Variants in KICS2 observed in about 807,000 individuals in gnomAD.
The protein encoded by KICS2 is KICSTOR subunit 2.
In KICS2, 13 loss-of-function variants were observed where a neutral mutation model predicts 31.4. The observed-to-expected ratio is 0.41, with a 90% CI of 0.27 to 0.66. The LOEUF (loss-of-function observed/expected upper bound fraction) is 0.66. Ranked by LOEUF, KICS2 falls within the 30% of genes least tolerant of loss-of-function variation. The pLI, the probability that KICS2 is intolerant of heterozygous loss-of-function variation, is 0.28. For missense variants in KICS2, 455 were observed against 545.4 expected (o/e 0.83, Z 1.65); for synonymous variants, 209 against 214.8 (o/e 0.97, Z 0.24).
intron 2 of KICS2, among the ~76,000 whole-genome samples, chr12:64,214,110 C>T (rs2037606563): frequency 6.6e-6 from 1 of 152,208 alleles, no homozygotes; most frequent in Non-Finnish European, 1.5e-5. Flanking sequence ...CATGATACTC[C>T]TGGTTCAAAA....
downstream of KICS2, chr12:64,190,995 A>G (rs2037374067): frequency 6.6e-6 from 1 of 152,196 alleles, no homozygotes; most frequent in African/African-American, 2.4e-5. Context: ...TGGAAAACTC[A>G]GTGTTGACCA....
rs114642258 is a variant in KICS2 at position 64,202,015 on chromosome 12, C to G, written c.522-7357G>C. Among the ~76,000 whole-genome samples the G allele has an allele frequency of 4.8e-4, 73 of 152,308 alleles. 1 individual carries two copies. The highest frequency in any genetic ancestry group is 1.7e-3 in the African/African-American group (72 of 41,556). The stretch of plus-strand genomic sequence containing the variant: ...CACATTCCTATTCTTCTCACTTTCT[C>G]CAGATACTCAGTAAATAACTGAAAA... On this transcript the variant is annotated intron_variant, in intron 2 of 2. Transcript: ENST00000398055.
Position 64,215,727 on chromosome 12 carries a change from C to T in KICS2, c.472G>A (p.Glu158Lys). Reference sequence around the variant, plus strand: ...GCATCCAAAAGGCCAACGAGCTCTTCAGCATTGATGAACTTCTGTGTGCTG... The same window carrying T: ...GCATCCAAAAGGCCAACGAGCTCTTTAGCATTGATGAACTTCTGTGTGCTG... ...TLSTQKFINAEELVGLLDAIM... is the reference protein window; with the variant it reads ...TLSTQKFINAKELVGLLDAIM... Residue 158 changes from glutamate (E) to lysine (K), a missense_variant, in exon 2 of 3, where the codon GAA becomes AAA. Glu to Lys is a moderately conservative substitution (Grantham distance 56, BLOSUM62 1). Transcript: ENST00000398055. 3 of 1,614,032 alleles carry T rather than the reference C, an allele frequency of 1.9e-6. No homozygotes were observed. Among genetic ancestry groups the T allele is most frequent in the Non-Finnish European group, 1.7e-6 (2 of 1,180,034 alleles).
chr12:64,216,597 A>G (rs1592389471), intron 1 of KICS2, among the ~76,000 whole-genome samples: 1 of 152,198 alleles, frequency 6.6e-6, no homozygotes, highest in African/African-American at 2.4e-5. Flanking sequence ...CACTCTTGAC[A>G]AGGTTGACAC....
intron 2 of KICS2, among the ~76,000 whole-genome samples, chr12:64,207,497 C>A (rs1390500721): frequency 2.0e-5 from 3 of 152,024 alleles, no homozygotes; most frequent in African/African-American, 7.3e-5. Flanking sequence ...CCTTTCCTAC[C>A]CATGGAATAT....
intron 2 of KICS2, among the ~76,000 whole-genome samples, chr12:64,208,257 C>G (rs2037556789): frequency 6.6e-6 from 1 of 152,234 alleles, no homozygotes; most frequent in South Asian, 2.1e-4. Context: ...GATCCGCCCG[C>G]CTTGGCCTCC....
intron 2 of KICS2, among the ~76,000 whole-genome samples, chr12:64,195,331 TAAA>T (rs2037423628): frequency 6.6e-6 from 1 of 151,928 alleles, no homozygotes; most frequent in South Asian, 2.1e-4. Flanking sequence ...GAGGCAGAGG[TAAA>T]ACAAAAAAAG....
At chr12:64,221,363 T>C (rs543062207) in intron 1 of KICS2, 77 of 152,532 alleles carry the variant, frequency 5.0e-4, no homozygotes, top group African/African-American at 1.8e-3. Flanking sequence ...CTTATACTTA[T>C]TGCTTCTACT....
chr12:64,186,778 A>T (rs1402712881), downstream of KICS2: 1 of 152,164 alleles, frequency 6.6e-6, no homozygotes, highest in Non-Finnish European at 1.5e-5. Flanking sequence ...ACCTTATTTC[A>T]AGCATCAACC....
At chr12:64,201,792 G>A (rs1325473423) in intron 2 of KICS2, among the ~76,000 whole-genome samples, 2 of 151,878 alleles carry the variant, frequency 1.3e-5, no homozygotes, top group South Asian at 2.1e-4. Flanking sequence ...AGGTTGCAGC[G>A]AGCTGAGATC....
chr12:64,211,526 G>A (rs1209079324), intron 2 of KICS2, among the ~76,000 whole-genome samples: 1 of 152,182 alleles, frequency 6.6e-6, no homozygotes, highest in Non-Finnish European at 1.5e-5. Context: ...GGCTGAGGCA[G>A]GAGAATCACT....
intron 2 of KICS2, among the ~76,000 whole-genome samples, chr12:64,205,743 A>C: frequency 7.3e-6 from 1 of 136,604 alleles, no homozygotes; most frequent in Non-Finnish European, 1.6e-5. Context: ...AAGGGAAGGA[A>C]GGGAGGGAGG....
intron 2 of KICS2, among the ~76,000 whole-genome samples, chr12:64,204,132 C>T (rs2037515936): frequency 6.6e-6 from 1 of 152,252 alleles, no homozygotes; most frequent in Admixed American, 6.5e-5. Context: ...TGCATGTTCT[C>T]ACTTATAAGC....
At chr12:64,194,936 A>AT (rs60371744) in intron 2 of KICS2, among the ~76,000 whole-genome samples, 8,331 of 149,420 alleles carry the variant, frequency 0.056, 678 homozygotes, top group African/African-American at 0.18. Flanking sequence ...GCTACAATTC[A>AT]TTTTTTTTTT....
intron 2 of KICS2, among the ~76,000 whole-genome samples, chr12:64,196,901 A>G (rs1029130177): frequency 3.3e-5 from 5 of 149,828 alleles, no homozygotes; most frequent in African/African-American, 1.2e-4. Context: ...GTTTAGAGAA[A>G]AACGAATAAA....
At chr12:64,212,427 C>T (rs569474770) in intron 2 of KICS2, among the ~76,000 whole-genome samples, 1 of 152,240 alleles carries the variant, frequency 6.6e-6, no homozygotes, top group African/African-American at 2.4e-5. Context: ...ATGTAATTTC[C>T]ATGTGGTCTT....
chr12:64,207,738 G>A (rs773861071), intron 2 of KICS2, among the ~76,000 whole-genome samples: 2 of 152,124 alleles, frequency 1.3e-5, no homozygotes, highest in Non-Finnish European at 2.9e-5. Context: ...AGAGCTACCC[G>A]CCTGAACCCT....
chr12:64,211,068 C>T (rs1413497418), intron 2 of KICS2, among the ~76,000 whole-genome samples: 5 of 152,072 alleles, frequency 3.3e-5, no homozygotes, highest in Non-Finnish European at 5.9e-5. Flanking sequence ...TCTTAAGCTT[C>T]CCGAAGAGTT....
chr12:64,196,606 C>T lies in KICS2; in HGVS notation c.522-1948G>A, dbSNP rs1394569107. Reference sequence around the variant, plus strand: ...TGGAACAAAGCTGGATGGAGAATGACTTTGACGAGCTGAGAGAAGAAGGCT... The same window carrying T: ...TGGAACAAAGCTGGATGGAGAATGATTTTGACGAGCTGAGAGAAGAAGGCT... On this transcript the variant is annotated intron_variant, in intron 2 of 2. Coordinates refer to ENST00000398055, the MANE Select transcript of KICS2 (RefSeq NM_152440.5). Among the ~76,000 whole-genome samples the T allele has an allele frequency of 4.6e-5, 7 of 151,646 alleles. No homozygotes were observed. The East Asian group carries it at 5.8e-4, about 13-fold the overall frequency.
Sources: allele counts gnomAD v4.1 joint callset (sites outside exome capture counted in the v4.1 genomes callset), GRCh38; gene constraint gnomAD v4.1.1; transcripts MANE v1.5; gene names NCBI Gene and HGNC (gene_info 2026-07-23, HGNC 2026-07-21).